The following LUZP2 variants were observed in gnomAD, a reference collection of about 807,000 sequenced individuals.
LUZP2 encodes the protein leucine zipper protein 2.
LUZP2 carries 52 observed loss-of-function variants against 51.6 expected under a neutral mutation model. The observed-to-expected ratio is 1.01, with a 90% CI of 0.81 to 1.27. The LOEUF is 1.27. Ranked by LOEUF, LUZP2 falls within the 50% of genes most tolerant of loss-of-function variation. The pLI, the probability that LUZP2 is intolerant of heterozygous loss-of-function variation, is 0.00. For missense variants in LUZP2, 436 were observed against 395.4 expected, an observed-to-expected ratio of 1.10 and a Z score of -0.87; for synonymous variants, 154 against 137.3, an observed-to-expected ratio of 1.12 and a Z score of -0.85.
chr11:24,626,228 TG>T (rs962570178), intron 1 of LUZP2, among the ~76,000 whole-genome samples: 102 of 152,210 alleles, frequency 6.7e-4, no homozygotes, highest in African/African-American at 2.3e-3. Flanking sequence ...AAAATGGTCC[TG>T]GGGGAGAATC....
intron 10 of LUZP2, among the ~76,000 whole-genome samples, chr11:25,058,772 A>G (rs1243685266): frequency 1.3e-5 from 2 of 152,244 alleles, no homozygotes; most frequent in Non-Finnish European, 2.9e-5. Context: ...CGTTGGCTCC[A>G]TCAACTGAAT....
intron 5 of LUZP2, among the ~76,000 whole-genome samples, chr11:24,827,548 C>T (rs1850579328): frequency 6.6e-6 from 1 of 152,002 alleles, no homozygotes; most frequent in African/African-American, 2.4e-5. Flanking sequence ...AAAGTACATT[C>T]AAAGGTCTTG....
intron 1 of LUZP2, among the ~76,000 whole-genome samples, chr11:24,568,363 A>C (rs112779083): frequency 1.1e-3 from 57 of 53,496 alleles, no homozygotes; most frequent in African/African-American, 2.1e-3. Flanking sequence ...CAGAAAAAAA[A>C]AAAAAAAAAA....
chr11:24,854,707 T>A (rs1851502848), intron 5 of LUZP2, among the ~76,000 whole-genome samples: 1 of 151,184 alleles, frequency 6.6e-6, no homozygotes, highest in Non-Finnish European at 1.5e-5. Context: ...TAGCTTGGCA[T>A]CTGCCCAAAC....
At chr11:24,638,230 C>A (rs183440209) in intron 1 of LUZP2, among the ~76,000 whole-genome samples, 1,754 of 151,666 alleles carry the variant, frequency 0.012, 20 homozygotes, top group Middle Eastern at 0.041. Context: ...AACCTACAAT[C>A]AAATATAGAC....
intron 1 of LUZP2, among the ~76,000 whole-genome samples, chr11:24,727,935 C>A (rs1451285346): frequency 6.6e-6 from 1 of 151,780 alleles, no homozygotes; most frequent in Non-Finnish European, 1.5e-5. Context: ...GATCTAGTTC[C>A]TTTATATTTC....
At chr11:24,940,932 T>C (rs1854729582) in intron 7 of LUZP2, among the ~76,000 whole-genome samples, 1 of 152,222 alleles carries the variant, frequency 6.6e-6, no homozygotes, top group Non-Finnish European at 1.5e-5. Context: ...CTTCAACTTC[T>C]CTTTCACTTT....
At chr11:24,666,927 T>G (rs2133993673) in intron 1 of LUZP2, among the ~76,000 whole-genome samples, 1 of 152,322 alleles carries the variant, frequency 6.6e-6, no homozygotes, top group East Asian at 1.9e-4. Flanking sequence ...ATTCTGTTTT[T>G]ATTTTTCTCG....
intron 1 of LUZP2, among the ~76,000 whole-genome samples, chr11:24,644,478 T>C (rs954798697): frequency 6.6e-6 from 1 of 151,948 alleles, no homozygotes; most frequent in Non-Finnish European, 1.5e-5. Flanking sequence ...ATTCTCCTCC[T>C]TTCCAACCTC....
chr11:24,560,032 G>A (rs964442489), intron 1 of LUZP2, among the ~76,000 whole-genome samples: 1 of 152,042 alleles, frequency 6.6e-6, no homozygotes, highest in Admixed American at 6.6e-5. Flanking sequence ...TAGATCATGG[G>A]TTGATGGGTG....
chr11:24,699,086 A>AAC (rs67317108), intron 1 of LUZP2, among the ~76,000 whole-genome samples: 13,387 of 138,278 alleles, frequency 0.097, 672 homozygotes, highest in African/African-American at 0.14. Flanking sequence ...AAACCACAGA[A>AAC]ACACACACAC....
At chr11:24,583,811 C>T (rs1852960615) in intron 1 of LUZP2, among the ~76,000 whole-genome samples, 1 of 150,760 alleles carries the variant, frequency 6.6e-6, no homozygotes, top group African/African-American at 2.4e-5. Flanking sequence ...TCACACCATT[C>T]TCCTTCCTCA....
intron 9 of LUZP2, among the ~76,000 whole-genome samples, chr11:24,993,154 T>C (rs1223725750): frequency 2.0e-5 from 3 of 152,146 alleles, no homozygotes; most frequent in Non-Finnish European, 4.4e-5. Context: ...AATTTGGTAT[T>C]ACCATTATCT....
intron 1 of LUZP2, among the ~76,000 whole-genome samples, chr11:24,597,581 T>C (rs1304494648): frequency 6.6e-6 from 1 of 152,196 alleles, no homozygotes; most frequent in Non-Finnish European, 1.5e-5. Flanking sequence ...ATAACTACTT[T>C]TTGTGACAAA....
chr11:24,730,484 T>C (rs1858674545), intron 2 of LUZP2, among the ~76,000 whole-genome samples: 1 of 151,436 alleles, frequency 6.6e-6, no homozygotes, highest in Non-Finnish European at 1.5e-5. Flanking sequence ...AATCATCGTG[T>C]TATGATGGAA....
In LUZP2 at chr11:24,556,968, G is replaced by A. The variant is rs1376159887; in HGVS notation, c.62+59663G>A. On this transcript the variant is annotated intron_variant, in intron 1 of 11. Coordinates refer to ENST00000336930, the MANE Select transcript of LUZP2 (RefSeq NM_001009909.4). ...TTAATCTGTCACCCTGCAATGTTCAGTATTTCATCCAGGCCATGCACTCTA... is the reference window on the plus strand; with the variant it reads ...TTAATCTGTCACCCTGCAATGTTCAATATTTCATCCAGGCCATGCACTCTA... Among the ~76,000 whole-genome samples the A allele has an allele frequency of 2.0e-5, 3 of 152,064 alleles. No homozygotes were observed. The East Asian group carries it at 5.8e-4, about 29-fold the overall frequency.
At chr11:24,935,509 A>G (rs1415218770) in intron 7 of LUZP2, among the ~76,000 whole-genome samples, 1 of 152,204 alleles carries the variant, frequency 6.6e-6, no homozygotes, top group Non-Finnish European at 1.5e-5. Context: ...AGGTTCTAAA[A>G]TTATGGATTA....
At chr11:24,567,187 A>G (rs1293497646) in intron 1 of LUZP2, among the ~76,000 whole-genome samples, 2 of 151,338 alleles carry the variant, frequency 1.3e-5, no homozygotes, top group Non-Finnish European at 1.5e-5. Context: ...GTTGAAAGGT[A>G]CAATCACCTA....
chr11:24,506,941 C>G (rs1169076392), intron 1 of LUZP2, among the ~76,000 whole-genome samples: 1 of 152,032 alleles, frequency 6.6e-6, no homozygotes, highest in East Asian at 1.9e-4. Flanking sequence ...AATAAGAAAG[C>G]AGAAGCTAAA....
Sources: gnomAD v4.1 joint callset for allele counts (sites outside exome capture counted in the v4.1 genomes callset) on GRCh38, gnomAD v4.1.1 for gene constraint, MANE v1.5 for transcripts, NCBI Gene and HGNC (gene_info 2026-07-23, HGNC 2026-07-21) for gene names.